The following FARP1 variants were observed in gnomAD, a reference collection of about 807,000 sequenced individuals.
The protein encoded by FARP1 is FERM, ARHGEF and pleckstrin domain-containing protein 1.
In FARP1, 52 loss-of-function variants were observed where a neutral mutation model predicts 128.8. The ratio of observed to expected loss-of-function variants is 0.40; its 90% confidence interval spans 0.32 to 0.51. FARP1 has a LOEUF of 0.51. FARP1 is among the 20% of genes least tolerant of loss of function. The pLI is 0.45. For missense variants in FARP1, 1,333 were observed against 1,367.9 expected, an observed-to-expected ratio of 0.97 and a Z score of 0.40; for synonymous variants, 580 against 551.8, an observed-to-expected ratio of 1.05 and a Z score of -0.72.
chr13:98,254,883 G>A (rs1208940937), intron 2 of FARP1, among the ~76,000 whole-genome samples: 1 of 152,082 alleles, frequency 6.6e-6, no homozygotes, highest in Non-Finnish European at 1.5e-5. Flanking sequence ...CCACTAGCTT[G>A]GCTGTAGCTG....
At chr13:98,277,342 T>C (rs945003267) in intron 2 of FARP1, among the ~76,000 whole-genome samples, 6 of 152,152 alleles carry the variant, frequency 3.9e-5, no homozygotes, top group African/African-American at 1.4e-4. Flanking sequence ...TTTATTTATA[T>C]ATTTTCTGTA....
intron 2 of FARP1, among the ~76,000 whole-genome samples, chr13:98,313,460 T>TGGAGCAGATTCTCCCAGAACCTTCA (rs1566865961): frequency 6.6e-6 from 1 of 152,186 alleles, no homozygotes; most frequent in African/African-American, 2.4e-5. Context: ...AGGAGAGGCA[T>TGGAGCAGATTCTCCCAGAACCTTCA]GGAGCAGATT....
At chr13:98,390,246 G>A in intron 10 of FARP1, 126 bp downstream of exon 10, 1 of 1,022,032 alleles carries the variant, frequency 9.8e-7, no homozygotes, top group Non-Finnish European at 1.4e-6. Context: ...CTATGGCCAA[G>A]CGGGGGCGCT....
intron 17 of FARP1, among the ~76,000 whole-genome samples, chr13:98,427,445 C>G (rs547309993): frequency 6.6e-6 from 1 of 152,360 alleles, no homozygotes; most frequent in East Asian, 1.9e-4. Context: ...GTTCTTCAAT[C>G]TGAGATCACA....
At chr13:98,217,387 A>G (rs1359720249) in intron 2 of FARP1, among the ~76,000 whole-genome samples, 1 of 152,198 alleles carries the variant, frequency 6.6e-6, no homozygotes, top group African/African-American at 2.4e-5. Context: ...CGATGGCAGA[A>G]GCCCAGAAGC....
rs780679948 is a variant in FARP1, at chr13:98,390,875, T to C, written c.1083T>C (p.Phe361=). The C allele has an allele frequency of 6.2e-7, 1 of 1,611,706 alleles. No individual in the cohort carries two copies. Residue 361 remains phenylalanine, a synonymous_variant, in exon 11 of 27, where the codon TTT becomes TTC. Coordinates refer to ENST00000319562, the MANE Select transcript of FARP1 (RefSeq NM_005766.4). ...AAGGAGGACATAAGAAGGTGCAGTT[T>C]GAAAGGTAAGAGAAGCTTCAATGCT... The part of the protein sequence containing the change: ...VKEGGHKKVQ[F]ERKHSKIHSI...
chr13:98,188,410 A>G (rs1469118357), intron 1 of FARP1, among the ~76,000 whole-genome samples: 1 of 152,060 alleles, frequency 6.6e-6, no homozygotes, highest in Non-Finnish European at 1.5e-5. Context: ...AAGAAAAAAA[A>G]TAAAGCTGGG....
intron 1 of FARP1, among the ~76,000 whole-genome samples, 152 bp downstream of exon 1, chr13:98,143,644 C>A (rs1410320177): frequency 6.6e-6 from 1 of 151,060 alleles, no homozygotes; most frequent in Non-Finnish European, 1.5e-5. Flanking sequence ...AGGTCCTGCC[C>A]TGCGCAGTCG....
At chr13:98,278,607 A>G (rs1260609458) in intron 2 of FARP1, among the ~76,000 whole-genome samples, 1 of 152,136 alleles carries the variant, frequency 6.6e-6, no homozygotes, top group Non-Finnish European at 1.5e-5. Context: ...ATTGATTGGC[A>G]TAATAACCAC....
At chr13:98,223,122 C>T (rs184090999) in intron 2 of FARP1, among the ~76,000 whole-genome samples, 2 of 152,276 alleles carry the variant, frequency 1.3e-5, no homozygotes, top group South Asian at 2.1e-4. Context: ...CCTGACAGGG[C>T]GTGGCAGCTG....
At position 98,438,755 on chromosome 13, in the gene FARP1, T is replaced by C. The variant is rs746016799; in HGVS notation, c.2275-49T>C. 9 of 1,517,190 alleles carry C rather than the reference T, an allele frequency of 5.9e-6. No individual in the cohort carries two copies. The Admixed American group carries it at 1.3e-4, about 23-fold the overall frequency. 94.0% of individuals were successfully genotyped at this position (1,517,190 alleles called of 1,614,324 possible). A position where few individuals can be genotyped will look rare whatever the true frequency, so the allele number is the denominator to read the frequency against. On this transcript the variant is annotated intron_variant, in intron 19 of 26. Transcript: ENST00000319562. ...GGGTCTGCACACTGGCCGTCAGCCC[T>C]TGGGGTCCGCACGCTCGCAGCCAGC...
At chr13:98,305,383 A>T (rs2139715917) in intron 2 of FARP1, among the ~76,000 whole-genome samples, 1 of 151,666 alleles carries the variant, frequency 6.6e-6, no homozygotes, top group Non-Finnish European at 1.5e-5. Flanking sequence ...GCTGGAGTGC[A>T]AAGACGTGAT....
intron 24 of FARP1, among the ~76,000 whole-genome samples, chr13:98,444,985 C>G (rs377511040): frequency 7.2e-5 from 11 of 152,290 alleles, no homozygotes; most frequent in African/African-American, 2.6e-4. Flanking sequence ...GAGCTGCCTG[C>G]CTGGCCTGGA....
intron 2 of FARP1, among the ~76,000 whole-genome samples, chr13:98,216,501 A>G (rs1334438620): frequency 6.6e-6 from 1 of 152,212 alleles, no homozygotes; most frequent in Non-Finnish European, 1.5e-5. Flanking sequence ...CGTGGCCAGA[A>G]GTCCCTGCAG....
At chr13:98,220,443 C>G (rs544060884) in intron 2 of FARP1, among the ~76,000 whole-genome samples, 1 of 152,248 alleles carries the variant, frequency 6.6e-6, no homozygotes, top group South Asian at 2.1e-4. Flanking sequence ...GCATGTTCAC[C>G]CAGCTTTAAA....
chr13:98,190,981 T>C (rs1879190485), intron 1 of FARP1, among the ~76,000 whole-genome samples: 1 of 152,154 alleles, frequency 6.6e-6, no homozygotes, highest in East Asian at 1.9e-4. Flanking sequence ...CACTGCATCT[T>C]ATCATCTCCC....
intron 2 of FARP1, among the ~76,000 whole-genome samples, chr13:98,315,317 A>C (rs1886672555): frequency 6.6e-6 from 1 of 152,038 alleles, no homozygotes; most frequent in Admixed American, 6.6e-5. Context: ...ATATTGCCCA[A>C]GCTGTCTCGA....
chr13:98,210,093 G>A (rs1009429200), intron 1 of FARP1, among the ~76,000 whole-genome samples: 2 of 151,920 alleles, frequency 1.3e-5, no homozygotes, highest in African/African-American at 4.8e-5. Flanking sequence ...TGGCTTCTTG[G>A]GAAAGGGGGA....
At chr13:98,396,790 A>G in intron 13 of FARP1, 1 of 278,910 alleles carries the variant, frequency 3.6e-6, no homozygotes, top group Non-Finnish European at 6.6e-6. Context: ...ACACTTTATT[A>G]TGAATCCGAT....
Sources: allele counts gnomAD v4.1 joint callset (sites outside exome capture counted in the v4.1 genomes callset), GRCh38; gene constraint gnomAD v4.1.1; transcripts MANE v1.5; gene names NCBI Gene and HGNC (gene_info 2026-07-23, HGNC 2026-07-21).